The following CABP4 variants were observed in gnomAD, a reference collection of about 807,000 sequenced individuals.
CABP4 encodes the protein calcium-binding protein 4.
A neutral mutation model predicts 30.7 loss-of-function variants in CABP4; 30 were observed. The ratio of observed to expected loss-of-function variants is 0.98; its 90% CI spans 0.73 to 1.33. The LOEUF is 1.33. Ranked by LOEUF, CABP4 falls within the 40% of genes most tolerant of loss-of-function variation. CABP4 has a pLI of 0.00. For synonymous variants in CABP4, 161 were observed against 159.2 expected (o/e 1.01, Z -0.08); for missense variants, 424 against 395.5 (o/e 1.07, Z -0.61).
rs189502443 is a variant in CABP4 at position 67,461,368 on chromosome 11, G to A, written c.*2709G>A. 3.6e-3 allele frequency among the ~76,000 whole-genome samples: 548 copies of A among 152,308 alleles called. 1 individual carries two copies. Among genetic ancestry groups the A allele is most frequent in the Non-Finnish European group, 5.0e-3 (341 of 68,030 alleles). ...GAATGAACAAGAAGCAATAACCAAA[G>A]AGATAATGGCTGAAAATTTTCCATA... On this transcript the variant is annotated 3_prime_UTR_variant, in exon 6 of 6. Coordinates refer to ENST00000325656, the MANE Select transcript of CABP4 (RefSeq NM_145200.5).
At position 67,460,986 on chromosome 11, in the gene CABP4, G is replaced by GAA. The variant is rs766971670; in HGVS notation, c.*2343_*2344dup. 2.5e-5 allele frequency among the ~76,000 whole-genome samples: 2 copies of GAA among 80,140 alleles called. No individual in the cohort carries two copies. The highest frequency in any genetic ancestry group is 4.0e-4 in the South Asian group (1 of 2,530). 52.6% of individuals were successfully genotyped at this position (80,140 alleles called of 152,430 possible). ...GGCTACAGAGCGAGACTCCGTCTCG[G>GAA]AAAAAAAAAAAAAAAAAGGTCACTG... On this transcript the variant is annotated 3_prime_UTR_variant, in exon 6 of 6. Transcript: ENST00000325656.
intron 3 of CABP4, among the ~76,000 whole-genome samples, chr11:67,457,006 A>G (rs1351094516): frequency 6.6e-6 from 1 of 152,058 alleles, no homozygotes; most frequent in Non-Finnish European, 1.5e-5. Context: ...GGACTCCTGC[A>G]TTTTTTCCTT....
Position 67,458,765 on chromosome 11 carries a change from G to T in CABP4, c.*106G>T. ...CCAGGATGGAGATGGAGACCCAGCA[G>T]CCCCCAGACTACTTCTATCCCTGAA... On this transcript the variant is annotated 3_prime_UTR_variant, in exon 6 of 6. Transcript: ENST00000325656. 1 of 1,357,224 alleles carries T rather than the reference G, an allele frequency of 7.4e-7. No homozygotes were observed. Among genetic ancestry groups the T allele is most frequent in the Non-Finnish European group, 1.0e-6 (1 of 960,856 alleles). The allele number at this position is 1,357,224 out of a possible 1,614,324, so 84.1% of individuals were successfully genotyped here.
rs1470864433 is a variant in CABP4, at chr11:67,458,402, T to C, written c.683T>C (p.Val228Ala). 6.2e-7 allele frequency: 1 copy of C among 1,613,214 alleles called. No homozygotes were observed. The highest frequency in any genetic ancestry group is 8.5e-7 in the Non-Finnish European group (1 of 1,179,462). Residue 228 changes from valine to alanine, a missense_variant, in exon 5 of 6, where the codon GTG (valine) becomes GCG (alanine). Val to Ala is a moderately conservative substitution (Grantham distance 64, BLOSUM62 0). Coordinates refer to ENST00000325656, the MANE Select transcript of CABP4 (RefSeq NM_145200.5). ...FDRDRDGRIT[V>A]AELREAVPAL... is the part of the protein sequence containing the mutation. Reference sequence around the variant, plus strand: ...AGGGACAGGGATGGACGAATTACGGTGGCGGAGCTGCGGGAGGCGGTACCG... The same window carrying C: ...AGGGACAGGGATGGACGAATTACGGCGGCGGAGCTGCGGGAGGCGGTACCG...
intron 1 of CABP4, 41 bp from the exon 2 acceptor site, chr11:67,456,147 C>T (rs1457621193): frequency 5.0e-6 from 8 of 1,612,948 alleles, no homozygotes; most frequent in Admixed American, 3.3e-5. Flanking sequence ...ATGACAGAGC[C>T]GTGGCTGGCC....
In CABP4 at chr11:67,455,488, C is replaced by A; in HGVS notation, c.65C>A (p.Pro22His). 6.2e-7 allele frequency: 1 copy of A among 1,608,850 alleles called. No homozygotes were observed. Among genetic ancestry groups the A allele is most frequent in the Non-Finnish European group, 8.5e-7 (1 of 1,178,522 alleles). Reference sequence around the variant, plus strand: ...CTGGCCATTGGCCGTCAGAAGCCCCCTGCGGGGGTTGTGACTCCCAAGAGT... The same window carrying A: ...CTGGCCATTGGCCGTCAGAAGCCCCATGCGGGGGTTGTGACTCCCAAGAGT... ...PNLAIGRQKPPAGVVTPKSDA... is the reference protein window; with the variant it reads ...PNLAIGRQKPHAGVVTPKSDA... Residue 22 changes from proline to histidine, a missense_variant, in exon 1 of 6, where the codon CCT becomes CAT. Transcript: ENST00000325656.
chr11:67,455,417 C>A lies in CABP4; in HGVS notation c.-7C>A. 6.2e-7 allele frequency: 1 copy of A among 1,604,618 alleles called. No homozygotes were observed. Among genetic ancestry groups the A allele is most frequent in the South Asian group, 1.1e-5 (1 of 90,248 alleles). On this transcript the variant is annotated 5_prime_UTR_variant, in exon 1 of 6. Transcript: ENST00000325656. ...GTGGTGTCTCTGAGCCCTGTTATCCCTCCCCCATGACCACAGAGCAGGCAA... is the reference window on the plus strand; with the variant it reads ...GTGGTGTCTCTGAGCCCTGTTATCCATCCCCCATGACCACAGAGCAGGCAA...
chr11:67,454,656 G>A (rs551557833), upstream of CABP4, among the ~76,000 whole-genome samples: 33 of 152,286 alleles, frequency 2.2e-4, no homozygotes, highest in African/African-American at 7.0e-4. Flanking sequence ...TTATTTATGG[G>A]GCTGCTTGCT....
chr11:67,458,784 C>G lies in CABP4; in HGVS notation c.*125C>G. On this transcript the variant is annotated 3_prime_UTR_variant, in exon 6 of 6. Coordinates refer to ENST00000325656, the MANE Select transcript of CABP4 (RefSeq NM_145200.5). ...CCAGCAGCCCCCAGACTACTTCTAT[C>G]CCTGAAAACACCTGGCCTCAATGTT... is the stretch of plus-strand genomic sequence containing the variant. 1 of 1,153,892 alleles carries G rather than the reference C, an allele frequency of 8.7e-7. No individual in the cohort carries two copies. The highest frequency in any genetic ancestry group is 1.9e-5 in the Admixed American group (1 of 54,046). The allele number at this position is 1,153,892 out of a possible 1,614,324, so 71.5% of individuals were successfully genotyped here. A position where few individuals can be genotyped will look rare whatever the true frequency, so the allele number is the denominator to read the frequency against.
At chr11:67,454,264 C>T (rs1209599503), upstream of CABP4, among the ~76,000 whole-genome samples, 4 of 152,118 alleles carry the variant, frequency 2.6e-5, no homozygotes, top group African/African-American at 9.7e-5. Flanking sequence ...CCTTTGAGGG[C>T]GATGAGAGCC....
In CABP4 at chr11:67,460,892, A is replaced by G. The variant is rs2135193338; in HGVS notation, c.*2233A>G. Among the ~76,000 whole-genome samples the G allele has an allele frequency of 6.6e-6, 1 of 151,700 alleles. No homozygotes were observed. Among genetic ancestry groups the G allele is most frequent in the Admixed American group, 6.6e-5 (1 of 15,230 alleles). On this transcript the variant is annotated 3_prime_UTR_variant, in exon 6 of 6. Transcript: ENST00000325656. ...CCCAGCTACTAGGGAGGCTGAGGCA[A>G]GAGAATGGCGTGAACCCAGGAGGCG...
chr11:67,452,431 C>A (rs376157455), upstream of CABP4: 1 of 1,612,466 alleles, frequency 6.2e-7, no homozygotes, highest in Admixed American at 1.7e-5. Flanking sequence ...CTGTCCCCAG[C>A]GGCCAGTGTC....
rs1864735350 is a variant in CABP4 at position 67,455,507 on chromosome 11, C to T, written c.84C>T (p.Pro28=). Residue 28 remains proline (P), a synonymous_variant, in exon 1 of 6, where the codon CCC becomes CCT. Coordinates refer to ENST00000325656, the MANE Select transcript of CABP4 (RefSeq NM_145200.5). ...AGCCCCCTGCGGGGGTTGTGACTCC[C>T]AAGAGTGATGCAGAGGAGCCCCCGT... ...RQKPPAGVVT[P]KSDAEEPPLT... is the part of the protein sequence containing the mutation. The T allele has an allele frequency of 6.2e-7, 1 of 1,605,744 alleles. No homozygotes were observed.
rs199875527 is a variant in CABP4, at chr11:67,456,193, C to T, written c.372C>T (p.Arg124=). The change falls in exon 2 of 6, where the codon CGC becomes CGT. Residue 124 remains arginine (R), a synonymous_variant. Transcript: ENST00000325656. ...PLLNRVFGKD[R]ELGPEELDEL... is the part of the protein sequence containing the mutation. Reference sequence around the variant, plus strand: ...CCTGGACTCTCCCCCTGCAGGACCGCGAACTGGGCCCCGAGGAGCTAGACG... The same window carrying T: ...CCTGGACTCTCCCCCTGCAGGACCGTGAACTGGGCCCCGAGGAGCTAGACG... The T allele has an allele frequency of 2.6e-5, 42 of 1,613,192 alleles. No individual in the cohort carries two copies. The highest frequency in any genetic ancestry group is 1.3e-4 in the East Asian group (6 of 44,836).
chr11:67,453,767 G>C (rs2135165567), upstream of CABP4: 2 of 152,214 alleles, frequency 1.3e-5, no homozygotes, highest in African/African-American at 4.8e-5. Context: ...GGGTTCCAGG[G>C]AACACAGTTT....
upstream of CABP4, chr11:67,455,335 A>G (rs533059572): frequency 6.7e-7 from 1 of 1,498,996 alleles, no homozygotes; most frequent in East Asian, 2.3e-5. Flanking sequence ...CTCAGCTCTA[A>G]GAGTGGGGGT....
At chr11:67,456,844 C>T (rs1565162276) in intron 3 of CABP4, among the ~76,000 whole-genome samples, 2 of 152,238 alleles carry the variant, frequency 1.3e-5, no homozygotes, top group Non-Finnish European at 2.9e-5. Context: ...CCTGCCTCAG[C>T]CCTGTGCCCT....
At chr11:67,455,905 G>A in intron 1 of CABP4, 116 bp downstream of exon 1, 2 of 1,403,066 alleles carry the variant, frequency 1.4e-6, no homozygotes, top group Non-Finnish European at 1.9e-6. Flanking sequence ...CCCAGACTGA[G>A]CCTGGGCTGT....
chr11:67,453,023 T>TCGGCAGCGTCAGA, upstream of CABP4: 1 of 295,690 alleles, frequency 3.4e-6, no homozygotes, highest in Non-Finnish European at 6.3e-6. Flanking sequence ...TTTTCTTTTT[T>TCGGCAGCGTCAGA]TTTTTTTGAG....
Sources: allele counts gnomAD v4.1 joint callset (sites outside exome capture counted in the v4.1 genomes callset), GRCh38; gene constraint gnomAD v4.1.1; transcripts MANE v1.5; gene names NCBI Gene and HGNC (gene_info 2026-07-23, HGNC 2026-07-21).